ADAMTS9: variants seen among roughly 807,000 people sequenced by gnomAD.
ADAMTS9 encodes the protein A disintegrin and metalloproteinase with thrombospondin motifs 9.
Under a neutral mutation model 257.1 loss-of-function variants are expected in ADAMTS9, and 107 were observed. The observed-to-expected ratio is 0.42, with a 90% CI of 0.36 to 0.49. The LOEUF is 0.49. Among genes scored for constraint, ADAMTS9 ranks in the 20% least tolerant of loss-of-function variants. ADAMTS9 has a pLI of 0.03. For synonymous variants in ADAMTS9, 982 were observed against 880.9 expected (o/e 1.11, Z -2.03); for missense variants, 2,353 against 2,469.1 (o/e 0.95, Z 1.00).
chr3:64,639,931 C>T (rs754563086), intron 12 of ADAMTS9, among the ~76,000 whole-genome samples: 4 of 152,108 alleles, frequency 2.6e-5, no homozygotes, highest in Admixed American at 6.5e-5. Flanking sequence ...AAATGACACA[C>T]ACTGAATTAC....
intron 2 of ADAMTS9, among the ~76,000 whole-genome samples, chr3:64,685,997 G>C (rs1043246867): frequency 6.6e-6 from 1 of 152,220 alleles, no homozygotes; most frequent in African/African-American, 2.4e-5. Context: ...TCCTGGGACG[G>C]GACCTGCTCC....
chr3:64,605,995 T>C (rs757718336), intron 23 of ADAMTS9, among the ~76,000 whole-genome samples: 8 of 152,218 alleles, frequency 5.3e-5, no homozygotes, highest in Non-Finnish European at 8.8e-5. Context: ...ATGTTTGTAA[T>C]TGCCAAATGA....
At position 64,604,754 on chromosome 3, in the gene ADAMTS9, T is replaced by G. The variant is rs2084528537; in HGVS notation, c.3475-423A>C. 2.0e-5 allele frequency among the ~76,000 whole-genome samples: 3 copies of G among 152,222 alleles called. No individual in the cohort carries two copies. In the South Asian group the frequency reaches 6.2e-4, roughly 31 times the overall value. ...TAATCAGAATTTGCTAATCATGAAC[T>G]TGCTTTCCCTGTTTGCCCAAAGATA... On this transcript the variant is annotated intron_variant, in intron 23 of 39. Coordinates refer to ENST00000498707, the MANE Select transcript of ADAMTS9 (RefSeq NM_182920.2).
At chr3:64,548,659 C>G (rs1349768350) in intron 31 of ADAMTS9, among the ~76,000 whole-genome samples, 1 of 152,088 alleles carries the variant, frequency 6.6e-6, no homozygotes, top group Non-Finnish European at 1.5e-5. Flanking sequence ...TATGGTCAGG[C>G]TAAACACAGA....
At chr3:64,528,609 G>A (rs937416538) in intron 38 of ADAMTS9, among the ~76,000 whole-genome samples, 1 of 152,108 alleles carries the variant, frequency 6.6e-6, no homozygotes, top group South Asian at 2.1e-4. Context: ...GGCTTACACT[G>A]CAGTTCGATG....
At chr3:64,532,644 G>A (rs1329334546) in intron 38 of ADAMTS9, among the ~76,000 whole-genome samples, 1 of 152,134 alleles carries the variant, frequency 6.6e-6, no homozygotes, top group Non-Finnish European at 1.5e-5. Context: ...CTGATGCACT[G>A]CGTAGACCAC....
At chr3:64,608,258 C>CAAAAAAAAAAAAAAAAACAA (rs2084596606) in intron 22 of ADAMTS9, among the ~76,000 whole-genome samples, 1 of 53,318 alleles carries the variant, frequency 1.9e-5, no homozygotes, top group African/African-American at 6.7e-5. Flanking sequence ...AAACTAAAAC[C>CAAAAAAAAAAAAAAAAACAA]AAAAAAAAAA....
chr3:64,687,689 ACCC>A lies in ADAMTS9; in HGVS notation c.-35_-33del. 8.0e-7 allele frequency: 1 copy of A among 1,250,752 alleles called. No homozygotes were observed. The highest frequency in any genetic ancestry group is 1.0e-6 in the Non-Finnish European group (1 of 960,134). The allele number at this position is 1,250,752 out of a possible 1,614,324, so 77.5% of individuals were successfully genotyped here. On this transcript the variant is annotated 5_prime_UTR_variant, in exon 1 of 40. Coordinates refer to ENST00000498707, the MANE Select transcript of ADAMTS9 (RefSeq NM_182920.2). This position sits in a 1 kb window ranked among gnomAD's most constrained non-coding sequence, Gnocchi z 4.4. ...TCCCACCCCTCCCTCCGCTGCCCCC[ACCC>A]CCCTCCCTCCTGCCCTCCTTGGCTG...
chr3:64,652,209 G>T (rs1424318315), intron 8 of ADAMTS9, among the ~76,000 whole-genome samples: 1 of 152,184 alleles, frequency 6.6e-6, no homozygotes, highest in Non-Finnish European at 1.5e-5. Context: ...TCAGACAGAA[G>T]CACATAGACT....
intron 30 of ADAMTS9, among the ~76,000 whole-genome samples, 169 bp from the exon 31 acceptor site, chr3:64,551,231 A>T (rs1248710797): frequency 2.6e-5 from 4 of 151,948 alleles, no homozygotes; most frequent in African/African-American, 9.7e-5. Flanking sequence ...TTTTTTTGAG[A>T]TGGAGTCTTG....
chr3:64,670,521 G>A (rs986150054), intron 3 of ADAMTS9, among the ~76,000 whole-genome samples: 2 of 152,072 alleles, frequency 1.3e-5, no homozygotes, highest in East Asian at 1.9e-4. Flanking sequence ...AAGTATTGGC[G>A]ATAAAATAAA....
chr3:64,545,737 C>G (rs2083188609), intron 32 of ADAMTS9, among the ~76,000 whole-genome samples: 1 of 152,082 alleles, frequency 6.6e-6, no homozygotes, highest in Non-Finnish European at 1.5e-5. Flanking sequence ...TATACATGTA[C>G]CCTAGAACTT....
chr3:64,537,198 T>C (rs2083062419), intron 37 of ADAMTS9, among the ~76,000 whole-genome samples: 1 of 152,214 alleles, frequency 6.6e-6, no homozygotes, highest in South Asian at 2.1e-4. Flanking sequence ...GTTTTCTCAT[T>C]TAGGAATTGC....
chr3:64,561,593 T>G lies in ADAMTS9; in HGVS notation c.4683A>C (p.Ala1561=), dbSNP rs1381509279. Residue 1561 remains alanine, a synonymous_variant, in exon 30 of 40, where the codon GCA becomes GCC. Coordinates refer to ENST00000498707, the MANE Select transcript of ADAMTS9 (RefSeq NM_182920.2). ...GPRCPLYTWR[A]EEWQECTKTC... ...CTCTACTTACTTCTTGCCATTCCTCTGCCCTCCAAGTGTAGAGGGGACACC... is the reference window on the plus strand; with the variant it reads ...CTCTACTTACTTCTTGCCATTCCTCGGCCCTCCAAGTGTAGAGGGGACACC... 2 of 1,613,562 alleles carry G rather than the reference T, an allele frequency of 1.2e-6. No individual in the cohort carries two copies. The highest frequency in any genetic ancestry group is 3.3e-5 in the Admixed American group (2 of 59,948).
In ADAMTS9 at chr3:64,686,841, G is replaced by T; in HGVS notation, c.243C>A (p.Asp81Glu). Residue 81 changes from aspartate (D) to glutamate (E), a missense_variant, in exon 2 of 40, where the codon GAC becomes GAA. Around this residue, in one of 3 missense-constraint regions of ADAMTS9, gnomAD observed 591 missense variants for 569.6 expected, o/e 1.04. Coordinates refer to ENST00000498707, the MANE Select transcript of ADAMTS9 (RefSeq NM_182920.2). This position sits in a 1 kb window ranked among gnomAD's most constrained non-coding sequence, Gnocchi z 4.6. ...AGGAGGAGGCGAAGGCAGGCCAGGGGTCAGTGGCAGAGTTAATGCTCCGTC... is the reference window on the plus strand; with the variant it reads ...AGGAGGAGGCGAAGGCAGGCCAGGGTTCAGTGGCAGAGTTAATGCTCCGTC... The part of the protein sequence containing the change: ...RTRRSINSAT[D>E]PWPAFASSSS... 3 of 1,614,154 alleles carry T rather than the reference G, an allele frequency of 1.9e-6. No individual in the cohort carries two copies. In the Admixed American group the frequency reaches 5.0e-5, roughly 27 times the overall value.
chr3:64,594,947 C>A (rs1294212768), intron 27 of ADAMTS9, among the ~76,000 whole-genome samples: 2 of 102,672 alleles, frequency 1.9e-5, no homozygotes, highest in East Asian at 1.0e-3. Flanking sequence ...CCATCACACT[C>A]GGCTAATTTT....
At chr3:64,599,688 A>G (rs1230851555) in intron 26 of ADAMTS9, among the ~76,000 whole-genome samples, 2 of 152,238 alleles carry the variant, frequency 1.3e-5, no homozygotes, top group African/African-American at 4.8e-5. Context: ...TCATTAAGAC[A>G]GAAACTCTCT....
intron 38 of ADAMTS9, among the ~76,000 whole-genome samples, chr3:64,526,729 G>A (rs561002296): frequency 2.0e-4 from 31 of 152,236 alleles, no homozygotes; most frequent in African/African-American, 6.5e-4. Context: ...ACCTCTTTAC[G>A]CCTCAGTTCC....
In ADAMTS9 at chr3:64,687,375, C is replaced by T. The variant is rs1428560104; in HGVS notation, c.115+168G>A. Among the ~76,000 whole-genome samples the T allele has an allele frequency of 1.3e-5, 2 of 152,154 alleles. No individual in the cohort carries two copies. The highest frequency in any genetic ancestry group is 2.9e-5 in the Non-Finnish European group (2 of 68,026). On this transcript the variant is annotated intron_variant, in intron 1 of 39. Transcript: ENST00000498707. This position sits in a 1 kb window ranked among gnomAD's most constrained non-coding sequence, Gnocchi z 4.4. ...AAATTCGTTTCCATAGTGTCCCTCC[C>T]TAGCAATTGGTTGGGGATGACCCAA...
Sources: gnomAD v4.1 joint callset for allele counts (sites outside exome capture counted in the v4.1 genomes callset) on GRCh38, gnomAD v4.1.1 for gene constraint, gnomAD v4.1.1 regional missense constraint, Gnocchi (gnomAD v3.1) non-coding constraint, MANE v1.5 for transcripts, NCBI Gene and HGNC (gene_info 2026-07-23, HGNC 2026-07-21) for gene names.